The following IMMP2L variants were observed in gnomAD, a reference collection of about 807,000 sequenced individuals.
The protein encoded by IMMP2L is inner mitochondrial membrane peptidase subunit 2, also known as mitochondrial inner membrane protease subunit 2.
Under a neutral mutation model 19.3 loss-of-function variants are expected in IMMP2L, and 18 were observed. That is an observed-to-expected ratio of 0.93 (90% CI 0.64 to 1.38). The LOEUF is 1.38. Ranked by LOEUF, IMMP2L falls within the 40% of genes most tolerant of loss-of-function variation. IMMP2L has a pLI of 0.00. For missense variants in IMMP2L, 233 were observed against 218.2 expected, an observed-to-expected ratio of 1.07 and a Z score of -0.43; for synonymous variants, 76 against 73.0, an observed-to-expected ratio of 1.04 and a Z score of -0.21.
chr7:110,794,598 A>G (rs556712888), intron 5 of IMMP2L, among the ~76,000 whole-genome samples: 18 of 152,202 alleles, frequency 1.2e-4, no homozygotes, highest in South Asian at 8.3e-4. Flanking sequence ...GAAAAAACCA[A>G]TAAGACAAAA....
intron 5 of IMMP2L, among the ~76,000 whole-genome samples, chr7:110,664,642 T>C (rs1195906785): frequency 2.0e-5 from 3 of 152,140 alleles, no homozygotes; most frequent in African/African-American, 4.8e-5. Context: ...TCTTAAGAGA[T>C]TACCCTTCAA....
intron 3 of IMMP2L, among the ~76,000 whole-genome samples, chr7:111,206,492 T>A (rs761676622): frequency 2.0e-5 from 3 of 152,108 alleles, no homozygotes; most frequent in Non-Finnish European, 2.9e-5. Flanking sequence ...CTCTTCAGAT[T>A]TTTTTTTAAT....
intron 3 of IMMP2L, among the ~76,000 whole-genome samples, chr7:111,254,421 T>C (rs1273615760): frequency 1.3e-5 from 2 of 152,126 alleles, no homozygotes; most frequent in Middle Eastern, 3.4e-3. Context: ...CCTATCAATC[T>C]CTCATCTGTT....
intron 3 of IMMP2L, among the ~76,000 whole-genome samples, chr7:111,474,152 T>C (rs112888039): frequency 0.018 from 2,693 of 152,080 alleles, 37 homozygotes; most frequent in Non-Finnish European, 0.028. Context: ...ATGGCAATAA[T>C]AGACACTGGG....
intron 3 of IMMP2L, among the ~76,000 whole-genome samples, chr7:111,465,109 T>C (rs547256607): frequency 7.9e-5 from 12 of 152,278 alleles, no homozygotes; most frequent in African/African-American, 2.9e-4. Context: ...CAGCCAACTC[T>C]TTAAATTTTC....
intron 1 of IMMP2L, among the ~76,000 whole-genome samples, chr7:111,535,773 T>C (rs79952551): frequency 0.016 from 2,488 of 152,154 alleles, 66 homozygotes; most frequent in African/African-American, 0.057. Flanking sequence ...CAGTGGTGAC[T>C]GTGGGAAAAG....
chr7:110,832,991 G>T (rs530422460), intron 5 of IMMP2L, among the ~76,000 whole-genome samples: 70 of 152,296 alleles, frequency 4.6e-4, no homozygotes, highest in African/African-American at 1.6e-3. Context: ...GATCAGTAAT[G>T]CCTCACTCCC....
rs144237087 is a variant in IMMP2L, at chr7:111,034,091, T to C, written c.240-70526A>G. ...GAATTTTTTATAATATATTGAAATG[T>C]ACACATAAAATTAATGAATTTCACT... On this transcript the variant is annotated intron_variant, in intron 3 of 5. Coordinates refer to ENST00000405709, the MANE Select transcript of IMMP2L (RefSeq NM_032549.4). Among the ~76,000 whole-genome samples, 368 of 152,282 alleles carry C rather than the reference T, an allele frequency of 2.4e-3. 3 individuals carry two copies. Among genetic ancestry groups the C allele is most frequent in the African/African-American group, 8.5e-3 (352 of 41,576 alleles).
At chr7:110,868,355 T>A (rs1808205365) in intron 5 of IMMP2L, among the ~76,000 whole-genome samples, 1 of 152,116 alleles carries the variant, frequency 6.6e-6, no homozygotes, top group South Asian at 2.1e-4. Context: ...ATAGTAATTA[T>A]GTTGGATGAA....
chr7:111,421,901 G>A (rs190649594), intron 3 of IMMP2L, among the ~76,000 whole-genome samples: 1 of 151,886 alleles, frequency 6.6e-6, no homozygotes, highest in East Asian at 1.9e-4. Context: ...TTTTGTATAA[G>A]GGGTTAGGAA....
intron 3 of IMMP2L, among the ~76,000 whole-genome samples, chr7:111,102,458 G>A (rs1029238885): frequency 2.6e-5 from 4 of 151,504 alleles, no homozygotes; most frequent in Non-Finnish European, 5.9e-5. Flanking sequence ...TGTCTCTTTA[G>A]ATTGTCATTT....
At chr7:110,738,938 CA>C (rs1473453552) in intron 5 of IMMP2L, among the ~76,000 whole-genome samples, 1 of 152,078 alleles carries the variant, frequency 6.6e-6, no homozygotes, top group Non-Finnish European at 1.5e-5. Flanking sequence ...CAATTATCGC[CA>C]AGAATTTTGT....
chr7:110,991,138 C>T (rs1387551256), intron 3 of IMMP2L, among the ~76,000 whole-genome samples: 3 of 152,030 alleles, frequency 2.0e-5, no homozygotes, highest in African/African-American at 7.2e-5. Context: ...GCAAAGTCTA[C>T]AGAAGATTAA....
At chr7:110,747,832 C>T (rs752707294) in intron 5 of IMMP2L, among the ~76,000 whole-genome samples, 2 of 151,688 alleles carry the variant, frequency 1.3e-5, no homozygotes, top group Non-Finnish European at 2.9e-5. Context: ...CCTTTGAAAA[C>T]CAGCACAAGA....
chr7:110,965,401 G>A (rs1355840415), intron 3 of IMMP2L, among the ~76,000 whole-genome samples: 1 of 151,996 alleles, frequency 6.6e-6, no homozygotes, highest in Non-Finnish European at 1.5e-5. Flanking sequence ...ATGTCTTGCA[G>A]AGAAAATGAA....
chr7:111,118,776 A>T, intron 3 of IMMP2L, among the ~76,000 whole-genome samples: 1 of 152,230 alleles, frequency 6.6e-6, no homozygotes, highest in South Asian at 2.1e-4. Context: ...TATTATGCTA[A>T]AGAAACGATA....
chr7:110,725,845 C>T (rs1795851963), intron 5 of IMMP2L: 1 of 152,158 alleles, frequency 6.6e-6, no homozygotes, highest in Non-Finnish European at 1.5e-5. Flanking sequence ...AGAATGAATA[C>T]CAGTGGTATT....
At chr7:111,308,594 CTCTT>C (rs1286100811) in intron 3 of IMMP2L, among the ~76,000 whole-genome samples, 1 of 151,874 alleles carries the variant, frequency 6.6e-6, no homozygotes, top group African/African-American at 2.4e-5. Context: ...AAACATCTGA[CTCTT>C]TCTGGCCAAT....
At chr7:111,404,055 C>A (rs1833703141) in intron 3 of IMMP2L, among the ~76,000 whole-genome samples, 1 of 152,138 alleles carries the variant, frequency 6.6e-6, no homozygotes, top group South Asian at 2.1e-4. Context: ...GAAGGCCTGG[C>A]ATATGCATCA....
Sources: gnomAD v4.1 joint callset for allele counts (sites outside exome capture counted in the v4.1 genomes callset) on GRCh38, gnomAD v4.1.1 for gene constraint, MANE v1.5 for transcripts, NCBI Gene and HGNC (gene_info 2026-07-23, HGNC 2026-07-21) for gene names.